The following PKN2 variants were observed in gnomAD, a reference collection of about 807,000 sequenced individuals.
PKN2 encodes the protein protein kinase N2.
Under a neutral mutation model 119.1 loss-of-function variants are expected in PKN2, and 38 were observed. The observed-to-expected ratio is 0.32, with a 90% CI of 0.25 to 0.42. The LOEUF is 0.42. Among genes scored for constraint, PKN2 ranks in the 10% least tolerant of loss-of-function variants. PKN2 has a pLI of 1.00. For missense variants in PKN2, 850 were observed against 1,165.1 expected (o/e 0.73, Z 3.94); for synonymous variants, 390 against 384.9 (o/e 1.01, Z -0.15).
chr1:88,784,414 G>A (rs2100828388), intron 6 of PKN2, among the ~76,000 whole-genome samples: 1 of 152,168 alleles, frequency 6.6e-6, no homozygotes, highest in South Asian at 2.1e-4. Flanking sequence ...GCCCAGCCAG[G>A]AGGTGCTGTT....
chr1:88,814,400 G>C (rs1671902986), intron 16 of PKN2, among the ~76,000 whole-genome samples: 1 of 152,116 alleles, frequency 6.6e-6, no homozygotes, highest in East Asian at 1.9e-4. Context: ...TTTTGTAGCT[G>C]TTAAATGGTG....
intron 2 of PKN2, among the ~76,000 whole-genome samples, chr1:88,757,989 C>T (rs564343168): frequency 6.7e-4 from 92 of 137,946 alleles, no homozygotes; most frequent in Admixed American, 1.4e-3. Flanking sequence ...TGCAGTGAGC[C>T]GAAATCACAC....
At chr1:88,829,077 C>T in intron 19 of PKN2, 1 of 677,216 alleles carries the variant, frequency 1.5e-6, no homozygotes. Flanking sequence ...CCTGGGGAAG[C>T]AAAGTAGAAT....
At chr1:88,781,263 T>C (rs1460018926) in intron 6 of PKN2, 1 of 632,662 alleles carries the variant, frequency 1.6e-6, no homozygotes, top group Non-Finnish European at 2.3e-6. Context: ...ACTACTGAAA[T>C]TTGCCAGTTT....
intron 1 of PKN2, among the ~76,000 whole-genome samples, chr1:88,737,253 C>G (rs570514461): frequency 5.8e-4 from 88 of 152,260 alleles, no homozygotes; most frequent in Non-Finnish European, 9.4e-4. Context: ...TGCAGACAGA[C>G]AGTAGTGATG....
At chr1:88,703,716 C>T (rs975510043) in intron 1 of PKN2, among the ~76,000 whole-genome samples, 2 of 152,044 alleles carry the variant, frequency 1.3e-5, no homozygotes, top group African/African-American at 2.4e-5. Flanking sequence ...AAAGCAAAGG[C>T]TACTTAGTCT....
intron 11 of PKN2, 31 bp downstream of exon 11, chr1:88,805,702 T>C (rs1456373070): frequency 2.5e-6 from 4 of 1,610,410 alleles, no homozygotes; most frequent in East Asian, 2.2e-5. Context: ...GCATCTCTTA[T>C]ACAAAGTTAT....
intron 1 of PKN2, among the ~76,000 whole-genome samples, chr1:88,712,464 T>G (rs1017959879): frequency 6.6e-6 from 1 of 152,128 alleles, no homozygotes; most frequent in African/African-American, 2.4e-5. Flanking sequence ...CTACCTATGG[T>G]GGAATATGAC....
intron 8 of PKN2, 106 bp downstream of exon 8, chr1:88,786,319 A>G (rs1670571853): frequency 3.6e-6 from 2 of 556,678 alleles, no homozygotes; most frequent in Non-Finnish European, 6.2e-6. Flanking sequence ...AAGAATAAAA[A>G]TAGAACTTAG....
chr1:88,831,255 G>A (rs1672722346), intron 19 of PKN2, among the ~76,000 whole-genome samples: 1 of 151,558 alleles, frequency 6.6e-6, no homozygotes, highest in African/African-American at 2.4e-5. Context: ...GCAGAAAAAA[G>A]ATACTACATA....
chr1:88,770,493 T>A, intron 4 of PKN2, 24 bp downstream of exon 4: 3 of 1,209,484 alleles, frequency 2.5e-6, no homozygotes, highest in Non-Finnish European at 3.7e-6. Flanking sequence ...TTGTCCTCCT[T>A]CTTATGAGCA....
At position 88,806,013 on chromosome 1, in the gene PKN2, G is replaced by A. The variant is rs911280628; in HGVS notation, c.1799G>A (p.Gly600Glu). ...GAATTAAGAGTTTTGGATATACCAGGACAGGCAAGCCATTTTAAACCTTGC... is the reference window on the plus strand; with the variant it reads ...GAATTAAGAGTTTTGGATATACCAGAACAGGCAAGCCATTTTAAACCTTGC... ...SSELRVLDIP[G>E]QDSETVFDIQ... is the part of the protein sequence containing the mutation. Residue 600 changes from glycine to glutamate, a missense_variant, in exon 12 of 22, where the codon GGA becomes GAA. This residue lies in a region of PKN2 where 216 missense variants were observed against 252.8 expected (regional missense o/e 0.85). Coordinates refer to ENST00000370521, the MANE Select transcript of PKN2 (RefSeq NM_006256.4). The A allele has an allele frequency of 8.1e-6, 13 of 1,612,658 alleles. No individual in the cohort carries two copies. The highest frequency in any genetic ancestry group is 1.1e-5 in the Non-Finnish European group (13 of 1,178,888).
chr1:88,710,506 C>G (rs72722798), intron 1 of PKN2, among the ~76,000 whole-genome samples: 10,195 of 152,224 alleles, frequency 0.067, 698 homozygotes, highest in African/African-American at 0.18. Context: ...TTGAAACACA[C>G]AATTTAAGGA....
chr1:88,824,737 A>T (rs1672428836), intron 18 of PKN2, among the ~76,000 whole-genome samples: 2 of 152,214 alleles, frequency 1.3e-5, no homozygotes. Context: ...CCAGCTTCTT[A>T]AAGTTGAAAC....
At chr1:88,756,250 A>C (rs373068774) in intron 2 of PKN2, among the ~76,000 whole-genome samples, 6 of 152,168 alleles carry the variant, frequency 3.9e-5, no homozygotes, top group African/African-American at 1.4e-4. Context: ...TCTATTATAT[A>C]GTATCTCTAA....
intron 6 of PKN2, chr1:88,781,102 G>C: frequency 1.6e-6 from 2 of 1,234,344 alleles, no homozygotes; most frequent in Non-Finnish European, 2.1e-6. Flanking sequence ...ACTAGGGAGA[G>C]AAATACTACT....
intron 6 of PKN2, among the ~76,000 whole-genome samples, chr1:88,775,930 C>T (rs1670076736): frequency 6.6e-6 from 1 of 151,842 alleles, no homozygotes; most frequent in Non-Finnish European, 1.5e-5. Flanking sequence ...ATGGTGAAAC[C>T]TCATCTCTAC....
At chr1:88,734,575 A>G (rs1371531762) in intron 1 of PKN2, among the ~76,000 whole-genome samples, 2 of 152,174 alleles carry the variant, frequency 1.3e-5, no homozygotes, top group Admixed American at 6.5e-5. Context: ...TACCAGTAGC[A>G]TGCTATTTTG....
At chr1:88,754,955 G>A (rs1017500175) in intron 2 of PKN2, among the ~76,000 whole-genome samples, 7 of 152,062 alleles carry the variant, frequency 4.6e-5, no homozygotes, top group Non-Finnish European at 1.0e-4. Flanking sequence ...TAATACCCCC[G>A]AAAATACTTT....
Sources: gnomAD v4.1 joint callset for allele counts (sites outside exome capture counted in the v4.1 genomes callset) on GRCh38, gnomAD v4.1.1 for gene constraint, gnomAD v4.1.1 regional missense constraint, MANE v1.5 for transcripts, NCBI Gene and HGNC (gene_info 2026-07-23, HGNC 2026-07-21) for gene names.